HS3ST4: variants seen among roughly 807,000 people sequenced by gnomAD.
HS3ST4 encodes heparan sulfate-glucosamine 3-sulfotransferase 4.
Under a neutral mutation model 29.2 loss-of-function variants are expected in HS3ST4, and 17 were observed. That is an observed-to-expected ratio of 0.58 (90% confidence interval 0.40 to 0.87). The LOEUF is 0.87. Among genes scored for constraint, HS3ST4 ranks in the 40% least tolerant of loss-of-function variants. The pLI is 0.00. For synonymous variants in HS3ST4, 314 were observed against 285.7 expected, an observed-to-expected ratio of 1.10 and a Z score of -1.00; for missense variants, 627 against 634.5, an observed-to-expected ratio of 0.99 and a Z score of 0.13.
intron 1 of HS3ST4, among the ~76,000 whole-genome samples, chr16:25,886,119 G>C (rs1967948954): frequency 7.3e-6 from 1 of 137,742 alleles, no homozygotes; most frequent in South Asian, 2.4e-4. Flanking sequence ...TGCAGTGTCT[G>C]CCTCCTGGGT....
At chr16:26,054,376 A>G (rs1898382950) in intron 1 of HS3ST4, among the ~76,000 whole-genome samples, 2 of 152,204 alleles carry the variant, frequency 1.3e-5, no homozygotes, top group South Asian at 4.2e-4. Context: ...TTCACAAGAA[A>G]GCCAACTCTC....
chr16:25,877,950 A>G (rs1967850084), intron 1 of HS3ST4, among the ~76,000 whole-genome samples: 3 of 152,170 alleles, frequency 2.0e-5, no homozygotes, highest in African/African-American at 7.2e-5. Context: ...GTCTGGGTCA[A>G]AAGCAGTCAG....
At chr16:26,015,275 C>T (rs982173931) in intron 1 of HS3ST4, among the ~76,000 whole-genome samples, 2 of 152,194 alleles carry the variant, frequency 1.3e-5, no homozygotes, top group African/African-American at 4.8e-5. Flanking sequence ...AAGAGTAATA[C>T]TTACAATTAT....
intron 1 of HS3ST4, among the ~76,000 whole-genome samples, chr16:25,751,175 A>G (rs1044094600): frequency 2.6e-5 from 4 of 152,194 alleles, no homozygotes; most frequent in Non-Finnish European, 5.9e-5. Context: ...GGTTCTGACC[A>G]TGGCCCGGTT....
intron 1 of HS3ST4, among the ~76,000 whole-genome samples, chr16:25,949,356 C>T (rs1451329796): frequency 6.6e-6 from 1 of 152,172 alleles, no homozygotes; most frequent in Non-Finnish European, 1.5e-5. Flanking sequence ...CACCTTACCT[C>T]CACAACAGCT....
chr16:25,897,275 A>G (rs1314500643), intron 1 of HS3ST4, among the ~76,000 whole-genome samples: 3 of 152,046 alleles, frequency 2.0e-5, no homozygotes, highest in African/African-American at 2.4e-5. Flanking sequence ...GCAACACGGT[A>G]AAGCCCCATC....
chr16:26,132,243 G>A (rs1054821976), intron 1 of HS3ST4, among the ~76,000 whole-genome samples: 2 of 152,140 alleles, frequency 1.3e-5, no homozygotes, highest in Non-Finnish European at 2.9e-5. Context: ...TCAGTTTGAG[G>A]AAAGGGAGCT....
intron 1 of HS3ST4, among the ~76,000 whole-genome samples, chr16:26,034,438 T>G (rs1348709071): frequency 6.6e-6 from 1 of 152,128 alleles, no homozygotes; most frequent in Non-Finnish European, 1.5e-5. Flanking sequence ...CCTGATAGGG[T>G]GCAAGTCATG....
chr16:25,834,766 C>T (rs755716917), intron 1 of HS3ST4, among the ~76,000 whole-genome samples: 5 of 151,978 alleles, frequency 3.3e-5, no homozygotes, highest in African/African-American at 1.2e-4. Context: ...CCCAACATGG[C>T]GAAACTCTGT....
intron 1 of HS3ST4, among the ~76,000 whole-genome samples, chr16:26,091,206 A>C (rs768485733): frequency 1.3e-5 from 2 of 152,176 alleles, no homozygotes; most frequent in Admixed American, 6.5e-5. Context: ...AGAGGAATGG[A>C]TGGGGAATTA....
At chr16:25,916,639 G>GGCATGA (rs1296837138) in intron 1 of HS3ST4, among the ~76,000 whole-genome samples, 1 of 151,272 alleles carries the variant, frequency 6.6e-6, no homozygotes, top group Non-Finnish European at 1.5e-5. Flanking sequence ...TGGGATTATG[G>GGCATGA]GCATGAGCCA....
intron 1 of HS3ST4, among the ~76,000 whole-genome samples, chr16:26,105,125 G>A (rs1899036426): frequency 6.6e-6 from 1 of 152,148 alleles, no homozygotes; most frequent in African/African-American, 2.4e-5. Context: ...ATTGGATGAA[G>A]AAAATGTGGT....
Position 26,032,737 on chromosome 16 carries a change from G to T in HS3ST4, c.735-102875G>T, listed in dbSNP as rs1048595466. 1.8e-5 allele frequency: 20 copies of T among 1,088,814 alleles called. No homozygotes were observed. In the African/African-American group the frequency reaches 2.8e-4, roughly 15 times the overall value. 67.4% of individuals were successfully genotyped at this position (1,088,814 alleles called of 1,614,324 possible). On this transcript the variant is annotated intron_variant, in intron 1 of 1. Coordinates refer to ENST00000331351, the MANE Select transcript of HS3ST4 (RefSeq NM_006040.3). ...GAGCAGGTTTAGCAGACAACCTCGC[G>T]GATCTTCTCTGTGGTTCGTCCTTCA...
chr16:25,819,959 C>T lies in HS3ST4; in HGVS notation c.734+126808C>T, dbSNP rs1281385730. ...CCGGGAGGCAGAGGCTGCAGTGAGC[C>T]GAGATCGTGCCACTGCACTCCAGCC... On this transcript the variant is annotated intron_variant, in intron 1 of 1. Transcript: ENST00000331351. Among the ~76,000 whole-genome samples, 9 of 118,386 alleles carry T rather than the reference C, an allele frequency of 7.6e-5. No individual in the cohort carries two copies. In the South Asian group the frequency reaches 1.5e-3, roughly 19 times the overall value. The allele number at this position is 118,386 out of a possible 152,430, so 77.7% of individuals were successfully genotyped here.
At chr16:25,952,336 C>T (rs74638568) in intron 1 of HS3ST4, among the ~76,000 whole-genome samples, 10,382 of 152,232 alleles carry the variant, frequency 0.068, 492 homozygotes, top group Non-Finnish European at 0.092. Context: ...AGTTGGCTTC[C>T]TCCAGGAAAG....
intron 1 of HS3ST4, among the ~76,000 whole-genome samples, chr16:25,985,979 C>T (rs79281732): frequency 0.018 from 2,814 of 152,306 alleles, 86 homozygotes; most frequent in African/African-American, 0.065. Context: ...CCCACCATAA[C>T]TGGCCCTTCC....
chr16:26,029,996 C>T (rs561042820), intron 1 of HS3ST4, among the ~76,000 whole-genome samples: 15 of 152,352 alleles, frequency 9.8e-5, no homozygotes, highest in Middle Eastern at 3.4e-3. Context: ...GTCCCCCCAT[C>T]GTTCGCTCTT....
chr16:26,055,427 C>G (rs1193083839), intron 1 of HS3ST4, among the ~76,000 whole-genome samples: 1 of 152,088 alleles, frequency 6.6e-6, no homozygotes, highest in Non-Finnish European at 1.5e-5. Context: ...AGGGGAAACT[C>G]TGACACTCTT....
chr16:25,821,158 C>T (rs907676052), intron 1 of HS3ST4, among the ~76,000 whole-genome samples: 8 of 149,280 alleles, frequency 5.4e-5, no homozygotes, highest in Non-Finnish European at 1.0e-4. Flanking sequence ...CCCAGGTTCA[C>T]GCCATTCTCC....
Sources: gnomAD v4.1 joint callset for allele counts (sites outside exome capture counted in the v4.1 genomes callset) on GRCh38, gnomAD v4.1.1 for gene constraint, MANE v1.5 for transcripts, NCBI Gene and HGNC (gene_info 2026-07-23, HGNC 2026-07-21) for gene names.